The following ZFHX3 variants were observed in gnomAD, a reference collection of about 807,000 sequenced individuals.
ZFHX3 encodes zinc finger homeobox protein 3.
ZFHX3 carries 42 observed loss-of-function variants against 279.1 expected under a neutral mutation model. The ratio of observed to expected loss-of-function variants is 0.15; its 90% CI spans 0.12 to 0.19. ZFHX3 has a LOEUF of 0.19. Among genes scored for constraint, ZFHX3 ranks in the 10% least tolerant of loss-of-function variants. The pLI is 1.00. For synonymous variants in ZFHX3, 2,293 were observed against 1,957.8 expected (o/e 1.17, Z -4.52); for missense variants, 4,981 against 4,754.0 (o/e 1.05, Z -1.40).
At chr16:73,669,125 C>A (rs1461037763) in intron 2 of ZFHX3, among the ~76,000 whole-genome samples, 1 of 150,834 alleles carries the variant, frequency 6.6e-6, no homozygotes. Context: ...GCGATCTGGG[C>A]TCACTGCAAC....
chr16:73,561,621 T>G (rs2143789899), intron 2 of ZFHX3, among the ~76,000 whole-genome samples: 1 of 150,408 alleles, frequency 6.6e-6, no homozygotes, highest in South Asian at 2.1e-4. Flanking sequence ...TTGGAATTTT[T>G]CAAGTTCAAA....
chr16:73,586,136 C>T (rs912935410), intron 2 of ZFHX3, among the ~76,000 whole-genome samples: 1 of 152,042 alleles, frequency 6.6e-6, no homozygotes, highest in African/African-American at 2.4e-5. Flanking sequence ...AACCTATAAT[C>T]CCAGCACTTT....
intron 1 of ZFHX3, among the ~76,000 whole-genome samples, chr16:73,779,733 T>G (rs1214382671): frequency 2.0e-5 from 3 of 152,144 alleles, no homozygotes; most frequent in Non-Finnish European, 4.4e-5. Flanking sequence ...CCTTTCCTTT[T>G]TTTGAGAAAG....
intron 1 of ZFHX3, among the ~76,000 whole-genome samples, chr16:73,811,011 C>A (rs1960411671): frequency 6.6e-6 from 1 of 152,154 alleles, no homozygotes; most frequent in South Asian, 2.1e-4. Context: ...ACACAGGAGG[C>A]CTGAGATTAA....
At chr16:73,383,153 T>G (rs1053246770) in intron 3 of ZFHX3, among the ~76,000 whole-genome samples, 1 of 152,230 alleles carries the variant, frequency 6.6e-6, no homozygotes, top group African/African-American at 2.4e-5. Flanking sequence ...ATGACTTAAC[T>G]GCAAGTCATT....
At chr16:73,228,171 T>A (rs2012663691) in intron 5 of ZFHX3, among the ~76,000 whole-genome samples, 1 of 152,218 alleles carries the variant, frequency 6.6e-6, no homozygotes, top group South Asian at 2.1e-4. Context: ...TTATTGATAA[T>A]CTGGTTAACA....
intron 5 of ZFHX3, among the ~76,000 whole-genome samples, chr16:73,220,353 T>C (rs767811445): frequency 1.4e-4 from 22 of 152,014 alleles, no homozygotes; most frequent in Non-Finnish European, 2.4e-4. Context: ...AAATAAAAGT[T>C]GAAATTATTA....
chr16:72,797,477 T>C lies in ZFHX3; in HGVS notation c.5205A>G (p.Gln1735=), dbSNP rs140495072. 1.2e-6 allele frequency: 2 copies of C among 1,612,532 alleles called. No individual in the cohort carries two copies. Among genetic ancestry groups the C allele is most frequent in the Non-Finnish European group, 1.7e-6 (2 of 1,179,520 alleles). ...TTTGTGCTTGTTGTTGTTGTTGTTG[T>C]TGTTGTTGTTGCTGTTGCTGCTGCT... The part of the protein sequence containing the change: ...QQQQQQQQQQ[Q]QQQQQQAQTL... Residue 1735 remains glutamine (Q), a synonymous_variant, in exon 9 of 10, where the codon CAA becomes CAG. Transcript: ENST00000268489.
At chr16:73,835,373 C>T (rs993790083) in intron 1 of ZFHX3, among the ~76,000 whole-genome samples, 4 of 151,436 alleles carry the variant, frequency 2.6e-5, no homozygotes, top group African/African-American at 9.7e-5. Context: ...TCCCCTTTTC[C>T]CACCGTCCCT....
chr16:72,782,934 T>C lies in ZFHX3; in HGVS notation c.*4230A>G, dbSNP rs894005526. The C allele has an allele frequency of 6.6e-6, 1 of 152,600 alleles. No homozygotes were observed. Among genetic ancestry groups the C allele is most frequent in the Non-Finnish European group, 1.5e-5 (1 of 68,014 alleles). The allele number at this position is 152,600 out of a possible 1,614,324, so 9.5% of individuals were successfully genotyped here. On this transcript the variant is annotated 3_prime_UTR_variant, in exon 10 of 10. Transcript: ENST00000268489. ...GTATCACAATGAGCAGGAAACATAC[T>C]TGATGAAATATTTTCAAAGGAGTAT...
intron 1 of ZFHX3, among the ~76,000 whole-genome samples, chr16:73,841,859 C>T (rs1363532482): frequency 1.3e-5 from 2 of 152,190 alleles, no homozygotes; most frequent in African/African-American, 2.4e-5. Flanking sequence ...TTTCTTTGCA[C>T]ATGAGCGCAT....
At chr16:73,666,532 A>G (rs2052844196) in intron 2 of ZFHX3, among the ~76,000 whole-genome samples, 2 of 152,054 alleles carry the variant, frequency 1.3e-5, no homozygotes, top group South Asian at 4.1e-4. Flanking sequence ...TGAAGCCTTG[A>G]AGTTTCTACT....
chr16:73,476,774 G>T lies in ZFHX3; in HGVS notation c.-1546-20516C>A, dbSNP rs146895872. On this transcript the variant is annotated intron_variant, in intron 2 of 17. Transcript: ENST00000641206. The stretch of plus-strand genomic sequence containing the variant: ...AAAATTTAGTAACTTCATTTTCAAT[G>T]TTAAACTAACAAGTTCATTAAAAAA... Among the ~76,000 whole-genome samples, 332 of 152,260 alleles carry T rather than the reference G, an allele frequency of 2.2e-3. 12 individuals carry two copies. In the East Asian group the frequency reaches 0.058, roughly 27 times the overall value.
intron 2 of ZFHX3, among the ~76,000 whole-genome samples, chr16:73,645,982 A>C (rs2052614902): frequency 6.6e-6 from 1 of 152,202 alleles, no homozygotes; most frequent in Non-Finnish European, 1.5e-5. Flanking sequence ...GGAAATGAGA[A>C]TTCTCATGCT....
chr16:73,752,718 T>TGA (rs1426049647), intron 1 of ZFHX3, among the ~76,000 whole-genome samples: 1 of 152,044 alleles, frequency 6.6e-6, no homozygotes, highest in African/African-American at 2.4e-5. Context: ...TGTCGACTAG[T>TGA]GAGTGTGTTT....
At chr16:73,546,771 A>G (rs1254875002) in intron 2 of ZFHX3, among the ~76,000 whole-genome samples, 2 of 150,538 alleles carry the variant, frequency 1.3e-5, no homozygotes, top group Non-Finnish European at 3.0e-5. Context: ...CTCCTTTTTT[A>G]ATCAGGCAGA....
intron 8 of ZFHX3, among the ~76,000 whole-genome samples, chr16:73,071,216 A>C (rs1965823125): frequency 6.6e-6 from 1 of 150,996 alleles, no homozygotes; most frequent in East Asian, 2.0e-4. Flanking sequence ...GAGTCCAGCC[A>C]TTCAATTTCC....
chr16:73,452,624 C>T (rs1025042932), intron 3 of ZFHX3, among the ~76,000 whole-genome samples: 1 of 152,006 alleles, frequency 6.6e-6, no homozygotes, highest in African/African-American at 2.4e-5. Flanking sequence ...CAAATGGTGA[C>T]CCTAGGAAAA....
rs2143423724 is a variant in ZFHX3 at position 72,795,968 on chromosome 16, G to A, written c.6714C>T (p.Tyr2238=). Residue 2238 remains tyrosine (Y), a synonymous_variant, in exon 9 of 10, where the codon TAC becomes TAT. Transcript: ENST00000268489. ...PPSPEPPKQE[Y]WGSKRSSRTR... is the part of the protein sequence containing the mutation. ...TTCTTGAAGACCTCTTGCTTCCCCAGTACTCCTGCTTTGGAGGTTCCGGCG... is the reference window on the plus strand; with the variant it reads ...TTCTTGAAGACCTCTTGCTTCCCCAATACTCCTGCTTTGGAGGTTCCGGCG... 6.2e-7 allele frequency: 1 copy of A among 1,614,164 alleles called. No homozygotes were observed. Among genetic ancestry groups the A allele is most frequent in the South Asian group, 1.1e-5 (1 of 91,088 alleles).
Sources: allele counts gnomAD v4.1 joint callset (sites outside exome capture counted in the v4.1 genomes callset), GRCh38; gene constraint gnomAD v4.1.1; transcripts MANE v1.5; gene names NCBI Gene and HGNC (gene_info 2026-07-23, HGNC 2026-07-21).